PLEKHG1: variants seen among roughly 807,000 people sequenced by gnomAD.
The protein encoded by PLEKHG1 is pleckstrin homology and RhoGEF domain containing G1.
PLEKHG1 carries 44 observed loss-of-function variants against 100.8 expected under a neutral mutation model. That is an observed-to-expected ratio of 0.44 (90% CI 0.34 to 0.56). The LOEUF is 0.56. Among genes scored for constraint, PLEKHG1 ranks in the 20% least tolerant of loss-of-function variants. PLEKHG1 has a pLI of 0.01. For synonymous variants in PLEKHG1, 640 were observed against 662.5 expected, an observed-to-expected ratio of 0.97 and a Z score of 0.52; for missense variants, 1,545 against 1,720.9, an observed-to-expected ratio of 0.90 and a Z score of 1.81.
At chr6:150,777,735 C>A (rs1334761860) in intron 3 of PLEKHG1, among the ~76,000 whole-genome samples, 1 of 121,630 alleles carries the variant, frequency 8.2e-6, no homozygotes, top group Admixed American at 8.1e-5. Flanking sequence ...TGATGCAATC[C>A]TGGTGCACGT....
intron 2 of PLEKHG1, among the ~76,000 whole-genome samples, chr6:150,735,218 T>G (rs955866329): frequency 6.6e-6 from 1 of 151,542 alleles, no homozygotes; most frequent in Non-Finnish European, 1.5e-5. Context: ...ACTCCCGACC[T>G]CAGGTGATCC....
intron 3 of PLEKHG1, among the ~76,000 whole-genome samples, chr6:150,705,265 T>C (rs6940976): frequency 0.76 from 115,274 of 152,230 alleles, 44,694 homozygotes; most frequent in Non-Finnish European, 0.85. Context: ...GTAAAGCATA[T>C]TTCAAAGATA....
chr6:150,687,629 T>C (rs1397461777), intron 3 of PLEKHG1, among the ~76,000 whole-genome samples: 1 of 152,172 alleles, frequency 6.6e-6, no homozygotes, highest in Non-Finnish European at 1.5e-5. Context: ...GGGAGCTCTT[T>C]GGTCTTGCCG....
intron 1 of PLEKHG1, among the ~76,000 whole-genome samples, chr6:150,611,339 AG>A (rs1190877673): frequency 6.6e-6 from 1 of 152,226 alleles, no homozygotes; most frequent in Non-Finnish European, 1.5e-5. Flanking sequence ...GTTGGCAAAA[AG>A]ACCCAAAACA....
At chr6:150,724,568 T>TTC (rs1781868091) in intron 1 of PLEKHG1, among the ~76,000 whole-genome samples, 1 of 147,654 alleles carries the variant, frequency 6.8e-6, no homozygotes, top group African/African-American at 2.5e-5. Context: ...CTTTTTTTTT[T>TTC]TTTTTTTTTG....
At chr6:150,669,875 G>A (rs957721537) in intron 3 of PLEKHG1, among the ~76,000 whole-genome samples, 1 of 152,176 alleles carries the variant, frequency 6.6e-6, no homozygotes, top group Non-Finnish European at 1.5e-5. Flanking sequence ...TGGGATTACA[G>A]GCGTGAGCCA....
chr6:150,752,236 A>C (rs1204070204), intron 2 of PLEKHG1, among the ~76,000 whole-genome samples: 1 of 152,240 alleles, frequency 6.6e-6, no homozygotes, highest in East Asian at 1.9e-4. Flanking sequence ...TTCATAAAAC[A>C]GTAAGTTTTT....
chr6:150,702,329 G>A lies in PLEKHG1; in HGVS notation c.-98-31255G>A, dbSNP rs1035009904. 4.6e-5 allele frequency among the ~76,000 whole-genome samples: 7 copies of A among 152,274 alleles called. 1 individual carries two copies. Among genetic ancestry groups the A allele is most frequent in the Admixed American group, 4.6e-4 (7 of 15,298 alleles). ...TACTAAAAATACAAAAATCAGCTGGGTGTGGTAGCACATGCCTGTAATCCC... is the reference window on the plus strand; with the variant it reads ...TACTAAAAATACAAAAATCAGCTGGATGTGGTAGCACATGCCTGTAATCCC... On this transcript the variant is annotated intron_variant, in intron 3 of 3. Transcript: ENST00000367326.
chr6:150,834,445 T>G (rs1225736928), intron 15 of PLEKHG1, among the ~76,000 whole-genome samples: 1 of 152,186 alleles, frequency 6.6e-6, no homozygotes, highest in East Asian at 1.9e-4. Flanking sequence ...TGATGGGTTA[T>G]GCCCACAGAC....
chr6:150,796,341 A>G (rs1786331448), intron 5 of PLEKHG1, among the ~76,000 whole-genome samples: 1 of 152,200 alleles, frequency 6.6e-6, no homozygotes, highest in African/African-American at 2.4e-5. Flanking sequence ...TATAAGTTTA[A>G]TGGAGTTCAG....
chr6:150,634,689 G>A (rs1174028040), intron 1 of PLEKHG1, among the ~76,000 whole-genome samples: 1 of 152,160 alleles, frequency 6.6e-6, no homozygotes, highest in East Asian at 1.9e-4. Flanking sequence ...TCAATTCCAG[G>A]CTTTAAGCCT....
chr6:150,795,890 C>T, exon 5 of PLEKHG1: 1 of 1,603,140 alleles, frequency 6.2e-7, no homozygotes, highest in African/African-American at 1.3e-5. Context: ...CAGTATTGCA[C>T]TAACTATCCA....
chr6:150,605,583 T>C (rs2047003), intron 1 of PLEKHG1: 118,410 of 152,110 alleles, frequency 0.78, 46,219 homozygotes, highest in Admixed American at 0.82. Flanking sequence ...GAGAGACAGT[T>C]TCCATGGAGA....
intron 2 of PLEKHG1, among the ~76,000 whole-genome samples, chr6:150,740,439 G>A (rs1782793249): frequency 1.3e-5 from 2 of 152,224 alleles, no homozygotes; most frequent in South Asian, 4.1e-4. Context: ...AAAGAAGGCT[G>A]TTGAGAAGAG....
chr6:150,655,533 C>T (rs534289519), intron 3 of PLEKHG1, among the ~76,000 whole-genome samples: 1 of 151,802 alleles, frequency 6.6e-6, no homozygotes, highest in East Asian at 1.9e-4. Context: ...ACGATGAAAC[C>T]CCGTCTGTAC....
chr6:150,604,436 G>T lies in PLEKHG1; in HGVS notation c.-204+4419G>T, dbSNP rs564288428. Among the ~76,000 whole-genome samples the T allele has an allele frequency of 6.6e-5, 10 of 152,286 alleles. No homozygotes were observed. In the East Asian group the frequency reaches 1.9e-3, roughly 29 times the overall value. On this transcript the variant is annotated intron_variant, in intron 1 of 3. Transcript: ENST00000367326. ...ATATACTGTTTGATTTGAGATGAGG[G>T]TTATTTGTTTACAACCCTTTAAAAA...
intron 2 of PLEKHG1, among the ~76,000 whole-genome samples, chr6:150,763,178 C>T (rs973986119): frequency 1.3e-5 from 2 of 151,936 alleles, no homozygotes; most frequent in South Asian, 2.1e-4. Context: ...CAGCTGCCCA[C>T]CACCACACTT....
intron 5 of PLEKHG1, among the ~76,000 whole-genome samples, chr6:150,798,781 C>A (rs1275511081): frequency 1.3e-5 from 2 of 152,142 alleles, no homozygotes; most frequent in Non-Finnish European, 2.9e-5. Context: ...CGCTCTGTTG[C>A]CCAGGTTGAA....
chr6:150,642,573 A>G (rs188531070), intron 2 of PLEKHG1, among the ~76,000 whole-genome samples: 1 of 152,214 alleles, frequency 6.6e-6, no homozygotes, highest in African/African-American at 2.4e-5. Context: ...TTTACTGTAT[A>G]ACTACAGTTG....
Sources: allele counts gnomAD v4.1 joint callset (sites outside exome capture counted in the v4.1 genomes callset), GRCh38; gene constraint gnomAD v4.1.1; transcripts MANE v1.5; gene names NCBI Gene and HGNC (gene_info 2026-07-23, HGNC 2026-07-21).